The following TSHZ2 variants were observed in gnomAD, a reference collection of about 807,000 sequenced individuals.
TSHZ2 encodes teashirt zinc finger homeobox 2.
TSHZ2 carries 21 observed loss-of-function variants against 74.4 expected under a neutral mutation model. That is an observed-to-expected ratio of 0.28 (90% CI 0.20 to 0.41). The LOEUF is 0.41. Ranked by LOEUF, TSHZ2 falls within the 10% of genes least tolerant of loss-of-function variation. The pLI is 1.00. For synonymous variants in TSHZ2, 540 were observed against 515.3 expected (o/e 1.05, Z -0.65); for missense variants, 1,244 against 1,293.5 (o/e 0.96, Z 0.59).
intron 1 of TSHZ2, among the ~76,000 whole-genome samples, chr20:52,981,063 C>T (rs993353729): frequency 7.2e-5 from 11 of 152,176 alleles, no homozygotes; most frequent in African/African-American, 1.9e-4. Context: ...GCCATAAATG[C>T]GTTTTATATC....
rs530625339 is a variant in TSHZ2 at position 53,058,437 on chromosome 20, G to A, written c.40+85104G>A. Among the ~76,000 whole-genome samples, 112 of 152,318 alleles carry A rather than the reference G, an allele frequency of 7.4e-4. 1 individual carries two copies. The South Asian group carries it at 0.014, about 19-fold the overall frequency. ...ATCATAACAGGCTACAGTTTGTGAG[G>A]CCTGATGCAAAATGAAAAGGCAGGG... On this transcript the variant is annotated intron_variant, in intron 1 of 2. Coordinates refer to ENST00000371497, the MANE Select transcript of TSHZ2 (RefSeq NM_173485.6).
chr20:53,267,931 A>G (rs1235157774), intron 2 of TSHZ2, among the ~76,000 whole-genome samples: 1 of 152,176 alleles, frequency 6.6e-6, no homozygotes, highest in Non-Finnish European at 1.5e-5. Flanking sequence ...TGATTGTCCA[A>G]GGTCACGCAG....
intron 2 of TSHZ2, among the ~76,000 whole-genome samples, chr20:53,258,874 T>C (rs892609238): frequency 6.6e-6 from 1 of 152,052 alleles, no homozygotes; most frequent in Non-Finnish European, 1.5e-5. Context: ...CAGGTTTGAG[T>C]GTTTGGGACT....
chr20:53,435,346 G>T (rs527750419), intron 2 of TSHZ2, among the ~76,000 whole-genome samples: 3 of 152,274 alleles, frequency 2.0e-5, no homozygotes, highest in African/African-American at 7.2e-5. Flanking sequence ...GGACAAGAGG[G>T]TGATTTGGAG....
chr20:53,267,208 A>G (rs930707322), intron 2 of TSHZ2, among the ~76,000 whole-genome samples: 2 of 152,196 alleles, frequency 1.3e-5, no homozygotes, highest in Non-Finnish European at 2.9e-5. Flanking sequence ...ATAGGCCTCG[A>G]GGGAAGATGG....
At chr20:53,305,743 G>C (rs1978510362) in intron 2 of TSHZ2, among the ~76,000 whole-genome samples, 1 of 152,150 alleles carries the variant, frequency 6.6e-6, no homozygotes. Context: ...ACTTTGGGAG[G>C]CCTAGGCAGG....
At chr20:53,012,890 A>C (rs16997425) in intron 1 of TSHZ2, among the ~76,000 whole-genome samples, 10,177 of 152,208 alleles carry the variant, frequency 0.067, 346 homozygotes, top group East Asian at 0.088. Context: ...AATTTCAAAA[A>C]AACGACCAAA....
In TSHZ2 at chr20:53,170,101, G is replaced by A. The variant is rs144136713; in HGVS notation, c.41-83398G>A. Among the ~76,000 whole-genome samples the A allele has an allele frequency of 2.5e-3, 388 of 152,262 alleles. 3 individuals are homozygous for A. Among genetic ancestry groups the A allele is most frequent in the African/African-American group, 8.8e-3 (367 of 41,562 alleles). On this transcript the variant is annotated intron_variant, in intron 1 of 2. Transcript: ENST00000371497. ...GGCTTGCAGAGGAAAATCAACTCTA[G>A]CAGAGCCACATAGCTAGTAATTACA...
chr20:53,338,566 A>G (rs1980050135), intron 2 of TSHZ2, among the ~76,000 whole-genome samples: 1 of 152,170 alleles, frequency 6.6e-6, no homozygotes, highest in Non-Finnish European at 1.5e-5. Context: ...ATGCCTAGAG[A>G]CATGGTTGAT....
intron 1 of TSHZ2, among the ~76,000 whole-genome samples, chr20:53,192,467 G>T (rs1568804607): frequency 6.6e-6 from 1 of 152,008 alleles, no homozygotes; most frequent in African/African-American, 2.4e-5. Flanking sequence ...AAGTGGTAAG[G>T]TGGTGACTCC....
Position 53,235,593 on chromosome 20 carries a change from T to A in TSHZ2, c.41-17906T>A, listed in dbSNP as rs1252155327. ...CTACCTCACAGGATTATTTCCAAAA[T>A]AAAATGTATATTGCATACTGTACCA... On this transcript the variant is annotated intron_variant, in intron 1 of 2. Transcript: ENST00000371497. 4.6e-5 allele frequency among the ~76,000 whole-genome samples: 7 copies of A among 152,284 alleles called. No individual in the cohort carries two copies. In the East Asian group the frequency reaches 1.4e-3, roughly 29 times the overall value.
intron 2 of TSHZ2, among the ~76,000 whole-genome samples, chr20:53,392,847 T>A (rs986845808): frequency 1.3e-5 from 2 of 152,154 alleles, no homozygotes; most frequent in Non-Finnish European, 1.5e-5. Context: ...TTTTCTTTTT[T>A]TTCTTGAGAC....
intron 2 of TSHZ2, among the ~76,000 whole-genome samples, chr20:53,413,680 A>G (rs138380353): frequency 6.6e-6 from 1 of 152,352 alleles, no homozygotes. Context: ...TTGGAATTGC[A>G]TAAGCACATT....
rs539649369 is a variant in TSHZ2, at chr20:53,489,324, C to G, written c.*2189C>G. The G allele has an allele frequency of 7.6e-6, 3 of 394,246 alleles. No individual in the cohort carries two copies. The highest frequency in any genetic ancestry group is 6.2e-5 in the African/African-American group (3 of 48,288). The allele number at this position is 394,246 out of a possible 1,614,324, so 24.4% of individuals were successfully genotyped here. A position where few individuals can be genotyped will look rare whatever the true frequency, so the allele number is the denominator to read the frequency against. On this transcript the variant is annotated 3_prime_UTR_variant, in exon 3 of 3. Coordinates refer to ENST00000371497, the MANE Select transcript of TSHZ2 (RefSeq NM_173485.6). ...TGAATGGAGCTCGACTGGAAAGGAA[C>G]AGTCTTCAGATGGGTTAAGATTGAA...
chr20:53,378,995 T>G (rs1407681465), intron 2 of TSHZ2, among the ~76,000 whole-genome samples: 1 of 152,222 alleles, frequency 6.6e-6, no homozygotes, highest in Non-Finnish European at 1.5e-5. Flanking sequence ...GCCTAACCAC[T>G]TGGTTAGCAC....
At chr20:53,295,028 G>A (rs1163869745) in intron 2 of TSHZ2, among the ~76,000 whole-genome samples, 1 of 152,132 alleles carries the variant, frequency 6.6e-6, no homozygotes, top group East Asian at 1.9e-4. Flanking sequence ...CAGTATTTAT[G>A]AACATCATCT....
At chr20:53,389,144 G>A (rs1301272610) in intron 2 of TSHZ2, among the ~76,000 whole-genome samples, 2 of 152,170 alleles carry the variant, frequency 1.3e-5, no homozygotes, top group African/African-American at 2.4e-5. Flanking sequence ...ATGAATGTCT[G>A]AAAACCCAAA....
chr20:53,234,195 C>T (rs775157601), intron 1 of TSHZ2, among the ~76,000 whole-genome samples: 13 of 152,150 alleles, frequency 8.5e-5, no homozygotes, highest in Non-Finnish European at 1.6e-4. Flanking sequence ...CAAGACTAGT[C>T]CCTGGGACCT....
intron 2 of TSHZ2, among the ~76,000 whole-genome samples, chr20:53,411,141 G>A (rs1196387591): frequency 1.3e-5 from 2 of 152,160 alleles, no homozygotes; most frequent in African/African-American, 4.8e-5. Context: ...TATAAGACGG[G>A]AAGTGGGGCC....
Sources: gnomAD v4.1 joint callset for allele counts (sites outside exome capture counted in the v4.1 genomes callset) on GRCh38, gnomAD v4.1.1 for gene constraint, MANE v1.5 for transcripts, NCBI Gene and HGNC (gene_info 2026-07-23, HGNC 2026-07-21) for gene names.